CCDC178: variants seen among roughly 807,000 people sequenced by gnomAD.
CCDC178 encodes coiled-coil domain containing 178.
In CCDC178, 126 loss-of-function variants were observed where a neutral mutation model predicts 117.4. The ratio of observed to expected loss-of-function variants is 1.07; its 90% CI spans 0.93 to 1.24. The LOEUF is 1.24. Ranked by LOEUF, CCDC178 falls within the 50% of genes most tolerant of loss-of-function variation. The pLI is 0.00. For synonymous variants in CCDC178, 283 were observed against 313.4 expected, an observed-to-expected ratio of 0.90 and a Z score of 1.02; for missense variants, 1,030 against 986.9, an observed-to-expected ratio of 1.04 and a Z score of -0.59.
At chr18:33,143,459 G>T (rs913071978) in intron 20 of CCDC178, among the ~76,000 whole-genome samples, 2 of 152,128 alleles carry the variant, frequency 1.3e-5, no homozygotes, top group Non-Finnish European at 2.9e-5. Context: ...AATATCCTCT[G>T]CTGTATCTCT....
At chr18:33,163,382 C>T (rs1450718018) in intron 20 of CCDC178, among the ~76,000 whole-genome samples, 1 of 152,128 alleles carries the variant, frequency 6.6e-6, no homozygotes. Flanking sequence ...TTCTACAACA[C>T]AAGTCTCATT....
At chr18:33,179,365 A>G (rs1279043284) in intron 20 of CCDC178, among the ~76,000 whole-genome samples, 1 of 151,412 alleles carries the variant, frequency 6.6e-6, no homozygotes, top group Non-Finnish European at 1.5e-5. Flanking sequence ...TTTTCAGAGT[A>G]ATTTCAGTAA....
At chr18:32,956,138 A>C (rs1401714626) in intron 22 of CCDC178, among the ~76,000 whole-genome samples, 1 of 152,176 alleles carries the variant, frequency 6.6e-6, no homozygotes, top group African/African-American at 2.4e-5. Flanking sequence ...AGATAAAAAC[A>C]ATCAGAATGT....
chr18:33,334,071 C>T lies in CCDC178; in HGVS notation c.659-677G>A, dbSNP rs564467594. ...GAAATAAGACTTACAAATATCAGAA[C>T]GAAAAAGGCAAAAGTGATTATTATT... On this transcript the variant is annotated intron_variant, in intron 9 of 22. Transcript: ENST00000383096. Among the ~76,000 whole-genome samples, 14 of 150,874 alleles carry T rather than the reference C, an allele frequency of 9.3e-5. No individual in the cohort carries two copies. The South Asian group carries it at 1.5e-3, about 16-fold the overall frequency.
intron 2 of CCDC178, among the ~76,000 whole-genome samples, chr18:33,412,467 T>C (rs1246573358): frequency 1.9e-5 from 1 of 52,190 alleles, no homozygotes; most frequent in Non-Finnish European, 4.1e-5. Context: ...AGTTTAACTT[T>C]ACTACCATCT....
At chr18:33,419,238 T>C (rs919625055) in intron 2 of CCDC178, among the ~76,000 whole-genome samples, 2 of 152,110 alleles carry the variant, frequency 1.3e-5, no homozygotes, top group African/African-American at 2.4e-5. Flanking sequence ...GCTAGCTATA[T>C]GCAAAAGATT....
intron 2 of CCDC178, among the ~76,000 whole-genome samples, chr18:33,423,215 G>A (rs141910373): frequency 1.8e-3 from 269 of 152,134 alleles, no homozygotes; most frequent in African/African-American, 5.9e-3. Flanking sequence ...GTCCTCAGTG[G>A]TCACATTTCC....
chr18:33,394,878 G>A (rs55645425), intron 4 of CCDC178, among the ~76,000 whole-genome samples: 4,899 of 141,208 alleles, frequency 0.035, 292 homozygotes, highest in African/African-American at 0.12. Context: ...TCTTGGAATG[G>A]CAGGCTAGGT....
chr18:33,033,568 C>A (rs2056387572), intron 21 of CCDC178, among the ~76,000 whole-genome samples: 1 of 151,928 alleles, frequency 6.6e-6, no homozygotes. Flanking sequence ...ACAAAATACA[C>A]AAAAATATTC....
At chr18:33,138,020 G>T (rs930821094) in intron 20 of CCDC178, among the ~76,000 whole-genome samples, 1 of 152,134 alleles carries the variant, frequency 6.6e-6, no homozygotes, top group African/African-American at 2.4e-5. Context: ...ATTTGAAGTT[G>T]CACATCTATA....
intron 21 of CCDC178, among the ~76,000 whole-genome samples, chr18:33,011,767 C>A (rs1320244008): frequency 2.7e-4 from 8 of 30,014 alleles, no homozygotes; most frequent in Non-Finnish European, 6.3e-4. Flanking sequence ...GAGCAGAATG[C>A]AAAAAAAAAA....
At chr18:33,366,875 T>C (rs895461000) in intron 6 of CCDC178, among the ~76,000 whole-genome samples, 1 of 152,044 alleles carries the variant, frequency 6.6e-6, no homozygotes, top group African/African-American at 2.4e-5. Flanking sequence ...TATTCACATA[T>C]ATGTATATAC....
At chr18:33,222,963 T>C (rs2059255832) in intron 18 of CCDC178, 143 bp downstream of exon 18, 1 of 581,784 alleles carries the variant, frequency 1.7e-6, no homozygotes. Context: ...TGTGTGTGAG[T>C]GTGTGCGCTT....
At chr18:33,064,174 CAAT>C (rs1428852642) in intron 21 of CCDC178, among the ~76,000 whole-genome samples, 1 of 152,070 alleles carries the variant, frequency 6.6e-6, no homozygotes, top group Admixed American at 6.6e-5. Context: ...CAAATGAACA[CAAT>C]AATTCTCCCA....
Position 33,139,882 on chromosome 18 carries a change from C to T in CCDC178, c.2239-46972G>A, listed in dbSNP as rs186723224. ...CTCCAGGGCATGTCTCCAGGGCCTC[C>T]CATCACAGGCCTGGAGACCTAGGAA... On this transcript the variant is annotated intron_variant, in intron 20 of 22. Coordinates refer to ENST00000383096, the MANE Select transcript of CCDC178 (RefSeq NM_001105528.4). Among the ~76,000 whole-genome samples the T allele has an allele frequency of 7.5e-4, 114 of 152,196 alleles. 1 individual carries two copies. The highest frequency in any genetic ancestry group is 2.6e-3 in the African/African-American group (110 of 41,528).
intron 21 of CCDC178, among the ~76,000 whole-genome samples, chr18:33,058,009 A>C (rs80223081): frequency 6.6e-6 from 1 of 152,204 alleles, no homozygotes; most frequent in Non-Finnish European, 1.5e-5. Flanking sequence ...AGCAATGGTG[A>C]TGAGAATGTG....
intron 15 of CCDC178, 136 bp from the exon 16 acceptor site, chr18:33,226,991 G>A: frequency 3.0e-6 from 1 of 335,964 alleles, no homozygotes; most frequent in East Asian, 4.8e-5. Context: ...TTTATTATAT[G>A]TATTTTTAAA....
intron 15 of CCDC178, among the ~76,000 whole-genome samples, chr18:33,233,592 T>C (rs965243594): frequency 6.6e-6 from 1 of 152,054 alleles, no homozygotes; most frequent in African/African-American, 2.4e-5. Context: ...TGTTTTTTTT[T>C]TATCCTGAAC....
intron 21 of CCDC178, among the ~76,000 whole-genome samples, chr18:32,983,949 A>C (rs1389568056): frequency 6.6e-6 from 1 of 152,066 alleles, no homozygotes; most frequent in East Asian, 1.9e-4. Context: ...AGATATAAAA[A>C]ATCCAGTTAA....
Sources: gnomAD v4.1 joint callset for allele counts (sites outside exome capture counted in the v4.1 genomes callset) on GRCh38, gnomAD v4.1.1 for gene constraint, MANE v1.5 for transcripts, NCBI Gene and HGNC (gene_info 2026-07-23, HGNC 2026-07-21) for gene names.